Variants in DROSHA observed in about 807,000 individuals in gnomAD.
The protein encoded by DROSHA is drosha ribonuclease III.
A neutral mutation model predicts 181.9 loss-of-function variants in DROSHA; 56 were observed. That is an observed-to-expected ratio of 0.31 (90% CI 0.25 to 0.38). The LOEUF (loss-of-function observed/expected upper bound fraction) is 0.38. Ranked by LOEUF, DROSHA falls within the 10% of genes least tolerant of loss-of-function variation. The pLI is 1.00. For synonymous variants in DROSHA, 524 were observed against 591.2 expected, an observed-to-expected ratio of 0.89 and a Z score of 1.65; for missense variants, 1,218 against 1,743.5, an observed-to-expected ratio of 0.70 and a Z score of 5.37.
chr5:31,505,822 C>T (rs1198678138), intron 10 of DROSHA: 1 of 151,998 alleles, frequency 6.6e-6, no homozygotes, highest in African/African-American at 2.4e-5. Flanking sequence ...TATACACACA[C>T]ATATTTCTTT....
At chr5:31,419,823 T>C (rs1449332113) in intron 30 of DROSHA, among the ~76,000 whole-genome samples, 2 of 152,244 alleles carry the variant, frequency 1.3e-5, no homozygotes, top group East Asian at 3.8e-4. Context: ...TCAGAGGATA[T>C]TGAACATGCA....
At chr5:31,526,964 C>G (rs1740670219) in intron 4 of DROSHA, 52 bp from the exon 5 acceptor site, 1 of 1,511,452 alleles carries the variant, frequency 6.6e-7, no homozygotes, top group Admixed American at 2.0e-5. Flanking sequence ...ATAATTCTTA[C>G]TATGTAAACA....
In DROSHA at chr5:31,514,966, T is replaced by C. The variant is rs1246731370; in HGVS notation, c.1290+22A>G. The C allele has an allele frequency of 6.2e-7, 1 of 1,608,188 alleles. No individual in the cohort carries two copies. Among genetic ancestry groups the C allele is most frequent in the Admixed American group, 1.7e-5 (1 of 59,488 alleles). On this transcript the variant is annotated intron_variant, in intron 8 of 35. Coordinates refer to ENST00000344624, the MANE Select transcript of DROSHA (RefSeq NM_001382508.1). The surrounding 1 kb of genome is among the most constrained non-coding windows in gnomAD (Gnocchi z 4.4). ...ACGCCGAGAAGCCCTAGTCTACAGC[T>C]TGTCTGCTACTTCAGACCTACCACC...
intron 27 of DROSHA, among the ~76,000 whole-genome samples, chr5:31,425,621 C>T (rs377552252): frequency 7.9e-5 from 12 of 152,232 alleles, no homozygotes; most frequent in African/African-American, 2.6e-4. Context: ...TTGGATTACT[C>T]ATTCACTTCT....
chr5:31,523,836 T>G (rs7731537), intron 5 of DROSHA, among the ~76,000 whole-genome samples: 147,931 of 151,732 alleles, frequency 0.97, 72,144 homozygotes, highest in East Asian at 1. Context: ...TTAGCCGGGC[T>G]TGGTGGCAGG....
intron 20 of DROSHA, among the ~76,000 whole-genome samples, chr5:31,459,556 A>G (rs1458096592): frequency 6.6e-6 from 1 of 152,190 alleles, no homozygotes; most frequent in Non-Finnish European, 1.5e-5. Context: ...TTTGTTAACA[A>G]TAACTATGAA....
chr5:31,422,090 GAA>G (rs11375467), intron 29 of DROSHA, among the ~76,000 whole-genome samples: 1 of 130,004 alleles, frequency 7.7e-6, no homozygotes, highest in Non-Finnish European at 1.7e-5. Flanking sequence ...AGATCTGTCA[GAA>G]AAAAAAAAGA....
At chr5:31,446,923 C>G (rs1746375449) in intron 23 of DROSHA, among the ~76,000 whole-genome samples, 1 of 152,140 alleles carries the variant, frequency 6.6e-6, no homozygotes, top group Admixed American at 6.5e-5. Context: ...ACCTGTAATC[C>G]CAGCTACTCA....
At chr5:31,495,893 A>T (rs920313748) in intron 11 of DROSHA, among the ~76,000 whole-genome samples, 2 of 152,204 alleles carry the variant, frequency 1.3e-5, no homozygotes, top group Admixed American at 6.5e-5. Context: ...TGTTGCAGAC[A>T]GCTGGACAGG....
intron 13 of DROSHA, among the ~76,000 whole-genome samples, chr5:31,488,413 CAAAAA>C (rs746732224): frequency 1.6e-5 from 1 of 64,092 alleles, no homozygotes; most frequent in South Asian, 6.0e-4. Context: ...ACTCTATCAC[CAAAAA>C]AAAAAAAAAA....
In DROSHA at chr5:31,514,228, AAC is replaced by A. The variant is rs68049196; in HGVS notation, c.1290+758_1290+759del. Among the ~76,000 whole-genome samples the A allele has an allele frequency of 0.34, 49,733 of 147,678 alleles. 8,717 individuals are homozygous for A. The highest frequency in any genetic ancestry group is 0.43 in the East Asian group (2,156 of 5,028). ...CTTCCTTATTTTTCATTTTGGAGAA[AAC>A]ACACACACACACACACACACACACA... On this transcript the variant is annotated intron_variant, in intron 8 of 35. Transcript: ENST00000344624. The surrounding 1 kb of genome is among the most constrained non-coding windows in gnomAD (Gnocchi z 4.4).
intron 20 of DROSHA, chr5:31,463,944 T>C: frequency 3.1e-6 from 1 of 319,370 alleles, no homozygotes; most frequent in Non-Finnish European, 5.8e-6. Flanking sequence ...CATGAGCAGA[T>C]GCATGAGGAC....
intron 13 of DROSHA, among the ~76,000 whole-genome samples, chr5:31,491,677 G>T (rs1355457337): frequency 7.4e-6 from 1 of 135,820 alleles, no homozygotes; most frequent in Non-Finnish European, 1.5e-5. Context: ...GTAACAAAGG[G>T]TTTCAAAGTT....
chr5:31,529,018 C>T (rs767531990), intron 4 of DROSHA, 22 bp downstream of exon 4: 3 of 1,612,636 alleles, frequency 1.9e-6, no homozygotes, highest in Non-Finnish European at 2.5e-6. Flanking sequence ...CAAACTATTG[C>T]CATTCCCATC....
At chr5:31,453,716 C>T (rs1019359874) in intron 20 of DROSHA, among the ~76,000 whole-genome samples, 1 of 152,140 alleles carries the variant, frequency 6.6e-6, no homozygotes. Flanking sequence ...CTGCTCCAAA[C>T]AAAGCCTGTT....
At chr5:31,442,602 C>T (rs965820530) in intron 23 of DROSHA, among the ~76,000 whole-genome samples, 2 of 152,102 alleles carry the variant, frequency 1.3e-5, no homozygotes, top group Non-Finnish European at 2.9e-5. Flanking sequence ...AAAACACAAC[C>T]GTCTCCCTGT....
At chr5:31,468,993 G>A (rs1749430413) in intron 17 of DROSHA, among the ~76,000 whole-genome samples, 1 of 152,160 alleles carries the variant, frequency 6.6e-6, no homozygotes, top group Admixed American at 6.6e-5. Flanking sequence ...CAGCAACTGG[G>A]ACAAACTGGT....
intron 23 of DROSHA, among the ~76,000 whole-genome samples, chr5:31,442,919 G>A (rs1745771545): frequency 6.6e-6 from 1 of 151,806 alleles, no homozygotes; most frequent in Non-Finnish European, 1.5e-5. Flanking sequence ...TTAGGGTGAT[G>A]GAATTTACAT....
rs375917413 is a variant in DROSHA at position 31,409,919 on chromosome 5, C to A, written c.3668-587G>T. Among the ~76,000 whole-genome samples, 60 of 149,950 alleles carry A rather than the reference C, an allele frequency of 4.0e-4. No homozygotes were observed. Among genetic ancestry groups the A allele is most frequent in the African/African-American group, 1.4e-3 (59 of 40,820 alleles). On this transcript the variant is annotated intron_variant, in intron 31 of 35. Coordinates refer to ENST00000344624, the MANE Select transcript of DROSHA (RefSeq NM_001382508.1). The surrounding 1 kb of genome is among the most constrained non-coding windows in gnomAD (Gnocchi z 4.0). ...TTCATTTAAAGGTACCTTGACAAAG[C>A]AAACAAATGGTGCATTTTCAAAAGA...
Sources: gnomAD v4.1 joint callset for allele counts (sites outside exome capture counted in the v4.1 genomes callset) on GRCh38, gnomAD v4.1.1 for gene constraint, Gnocchi (gnomAD v3.1) non-coding constraint, MANE v1.5 for transcripts, NCBI Gene and HGNC (gene_info 2026-07-23, HGNC 2026-07-21) for gene names.